KPNA1: variants seen among roughly 807,000 people sequenced by gnomAD.
KPNA1 encodes karyopherin subunit alpha 1, also known as importin subunit alpha-5.
A neutral mutation model predicts 70.5 loss-of-function variants in KPNA1; 10 were observed. The ratio of observed to expected loss-of-function variants is 0.14; its 90% CI spans 0.09 to 0.24. The LOEUF is 0.24. Among genes scored for constraint, KPNA1 ranks in the 10% least tolerant of loss-of-function variants. KPNA1 has a pLI of 1.00. For missense variants in KPNA1, 397 were observed against 637.9 expected, an observed-to-expected ratio of 0.62 and a Z score of 4.07; for synonymous variants, 192 against 221.9, an observed-to-expected ratio of 0.87 and a Z score of 1.20.
At position 122,423,486 on chromosome 3, in the gene KPNA1, A is replaced by G. The variant is rs2075782757; in HGVS notation, c.*3499T>C. On this transcript the variant is annotated 3_prime_UTR_variant, in exon 14 of 14. Transcript: ENST00000344337. ...CCTTAGACACCACAATTTCCAATAT[A>G]CTTAAAAACCATCAACCCCTAAAAA... 1 of 152,428 alleles carries G rather than the reference A, an allele frequency of 6.6e-6. No individual in the cohort carries two copies. Among genetic ancestry groups the G allele is most frequent in the South Asian group, 2.1e-4 (1 of 4,830 alleles). The allele number at this position is 152,428 out of a possible 1,614,324, so 9.4% of individuals were successfully genotyped here.
intron 2 of KPNA1, among the ~76,000 whole-genome samples, chr3:122,489,906 C>T (rs1399526622): frequency 6.6e-6 from 1 of 152,172 alleles, no homozygotes; most frequent in East Asian, 1.9e-4. Flanking sequence ...AAGTATGGAG[C>T]AGTACTAAGT....
chr3:122,428,711 G>A (rs1340325460), intron 12 of KPNA1, among the ~76,000 whole-genome samples: 2 of 152,192 alleles, frequency 1.3e-5, no homozygotes, highest in Non-Finnish European at 2.9e-5. Context: ...AGGCTTACAT[G>A]TATTAAATAA....
At chr3:122,450,044 T>C (rs2076181955) in intron 8 of KPNA1, among the ~76,000 whole-genome samples, 1 of 152,238 alleles carries the variant, frequency 6.6e-6, no homozygotes, top group Non-Finnish European at 1.5e-5. Context: ...AAAGGAACTT[T>C]CACAAATGTG....
At chr3:122,440,621 C>T (rs1450551962) in intron 10 of KPNA1, among the ~76,000 whole-genome samples, 1 of 152,208 alleles carries the variant, frequency 6.6e-6, no homozygotes, top group East Asian at 1.9e-4. Flanking sequence ...TCAAAGACAA[C>T]CAACATTTTC....
In KPNA1 at chr3:122,427,087, C is replaced by A. The variant is rs773781619; in HGVS notation, c.1515G>T (p.Gly505=). 1.2e-6 allele frequency: 2 copies of A among 1,614,040 alleles called. No homozygotes were observed. Among genetic ancestry groups the A allele is most frequent in the Admixed American group, 1.7e-5 (1 of 60,030 alleles). The change falls in exon 14 of 14, where the codon GGG becomes GGT. Residue 505 remains glycine, a synonymous_variant. Coordinates refer to ENST00000344337, the MANE Select transcript of KPNA1 (RefSeq NM_002264.4). ...CAATGCTGCTGTCTTCATCTTCGGTCCCGAAGTAATGCTCAATAAGATCAA... is the reference window on the plus strand; with the variant it reads ...CAATGCTGCTGTCTTCATCTTCGGTACCGAAGTAATGCTCAATAAGATCAA... ...KAFDLIEHYF[G]TEDEDSSIAP...
rs2076001693 is a variant in KPNA1, at chr3:122,437,278, T to A, written c.1014A>T (p.Ser338=). ...GCAAATGCAATAAACTCTGCAGAGCTGAGCAATTCAGAATTACCTAAAAGA... is the reference window on the plus strand; with the variant it reads ...GCAAATGCAATAAACTCTGCAGAGCAGAGCAATTCAGAATTACCTAAAAGA... The part of the protein sequence containing the change: ...DIQTQVILNC[S]ALQSLLHLLS... Residue 338 remains serine (S), a synonymous_variant, in exon 11 of 14, where the codon TCA becomes TCT. Transcript: ENST00000344337. 1 of 1,604,350 alleles carries A rather than the reference T, an allele frequency of 6.2e-7. No individual in the cohort carries two copies. Among genetic ancestry groups the A allele is most frequent in the Non-Finnish European group, 8.5e-7 (1 of 1,176,442 alleles).
intron 2 of KPNA1, among the ~76,000 whole-genome samples, chr3:122,489,044 G>GT (rs1560049972): frequency 9.2e-6 from 1 of 108,138 alleles, no homozygotes; most frequent in East Asian, 3.7e-4. Flanking sequence ...TCGCTTGTGG[G>GT]TTTTTTTGCG....
rs758586479 is a variant in KPNA1, at chr3:122,437,244, G to T, written c.1048C>A (p.Pro350Thr). 3.2e-5 allele frequency: 51 copies of T among 1,613,348 alleles called. No individual in the cohort carries two copies. The highest frequency in any genetic ancestry group is 4.3e-5 in the Non-Finnish European group (51 of 1,179,638). The change falls in exon 11 of 14, where the codon CCA becomes ACA. Residue 350 changes from proline (P) to threonine (T), a missense_variant. Pro to Thr is a conservative substitution (Grantham distance 38). Transcript: ENST00000344337. Reference protein sequence around the residue: ...LQSLLHLLSSPKESIKKEACW... With the variant: ...LQSLLHLLSSTKESIKKEACW... ...GCTTCCTTTTTGATAGATTCCTTTG[G>T]GCTACTCAGCAAATGCAATAAACTC...
At chr3:122,477,967 T>A in intron 2 of KPNA1, among the ~76,000 whole-genome samples, 1 of 150,630 alleles carries the variant, frequency 6.6e-6, no homozygotes. Context: ...ATTGAGACCA[T>A]CCTGGCCAAC....
chr3:122,465,067 T>G (rs2076365219), intron 3 of KPNA1, among the ~76,000 whole-genome samples: 1 of 152,246 alleles, frequency 6.6e-6, no homozygotes, highest in Non-Finnish European at 1.5e-5. Flanking sequence ...CTTCCCTCTC[T>G]CATCCTCTTA....
At chr3:122,466,110 T>C (rs1423603564) in intron 3 of KPNA1, among the ~76,000 whole-genome samples, 1 of 152,196 alleles carries the variant, frequency 6.6e-6, no homozygotes, top group Non-Finnish European at 1.5e-5. Flanking sequence ...GCATTGGCTA[T>C]GTCTGTATGA....
chr3:122,427,579 G>A lies in KPNA1; in HGVS notation c.1388C>T (p.Thr463Ile). The A allele has an allele frequency of 6.2e-7, 1 of 1,614,044 alleles. No individual in the cohort carries two copies. The highest frequency in any genetic ancestry group is 8.5e-7 in the Non-Finnish European group (1 of 1,179,986). ...CAAAGCACAGTAAGGGTTAATGCCA[G>A]TGCCATTCCTTTTGGCTTCCTGTTC... ...LGEQEAKRNGTGINPYCALIE... is the reference protein window; with the variant it reads ...LGEQEAKRNGIGINPYCALIE... The change falls in exon 13 of 14, where the codon ACT (threonine) becomes ATT (isoleucine). Residue 463 changes from threonine (T) to isoleucine (I), a missense_variant. Coordinates refer to ENST00000344337, the MANE Select transcript of KPNA1 (RefSeq NM_002264.4).
intron 1 of KPNA1, among the ~76,000 whole-genome samples, chr3:122,499,566 AACATGGTGAG>A (rs1462347422): frequency 6.6e-6 from 1 of 152,090 alleles, no homozygotes; most frequent in African/African-American, 2.4e-5. Flanking sequence ...CAGACTGGGC[AACATGGTGAG>A]ACTCCATCTC....
At chr3:122,434,464 T>C (rs2075958089) in intron 11 of KPNA1, among the ~76,000 whole-genome samples, 2 of 152,208 alleles carry the variant, frequency 1.3e-5, no homozygotes. Flanking sequence ...CACTTCTCAC[T>C]GGAGCATCAG....
At position 122,491,925 on chromosome 3, in the gene KPNA1, G is replaced by A. The variant is rs558982314; in HGVS notation, c.129+4512C>T. ...CGCCCAGGCTGGAGTGCAGTGGCGC[G>A]ATCTCGACTCACTGCAAGCTCCGCC... On this transcript the variant is annotated intron_variant, in intron 2 of 13. Coordinates refer to ENST00000344337, the MANE Select transcript of KPNA1 (RefSeq NM_002264.4). 3.4e-3 allele frequency among the ~76,000 whole-genome samples: 439 copies of A among 130,814 alleles called. 1 individual carries two copies. The highest frequency in any genetic ancestry group is 5.3e-3 in the Non-Finnish European group (339 of 64,214). The allele number at this position is 130,814 out of a possible 152,430, so 85.8% of individuals were successfully genotyped here. A position where few individuals can be genotyped will look rare whatever the true frequency, so the allele number is the denominator to read the frequency against.
chr3:122,460,290 T>C, intron 5 of KPNA1: 1 of 985,002 alleles, frequency 1.0e-6, no homozygotes, highest in Non-Finnish European at 1.2e-6. Flanking sequence ...AATAGTAGTT[T>C]AGAATTTCTA....
intron 9 of KPNA1, chr3:122,443,010 C>G (rs2076085484): frequency 1.3e-5 from 2 of 152,320 alleles, no homozygotes; most frequent in African/African-American, 4.8e-5. Context: ...GTCGCCTCAC[C>G]CAGGAAGCAC....
chr3:122,422,063 C>T lies in KPNA1; in HGVS notation c.*4922G>A, dbSNP rs1424984976. 6.6e-6 allele frequency: 1 copy of T among 152,190 alleles called. No individual in the cohort carries two copies. The highest frequency in any genetic ancestry group is 1.5e-5 in the Non-Finnish European group (1 of 68,042). 9.4% of individuals were successfully genotyped at this position (152,190 alleles called of 1,614,324 possible). Reference sequence around the variant, plus strand: ...TTAGAGCCATTCCAAATCTAAGTGTCAGAACACTTTGAAGCAGGATGTAGA... The same window carrying T: ...TTAGAGCCATTCCAAATCTAAGTGTTAGAACACTTTGAAGCAGGATGTAGA... On this transcript the variant is annotated 3_prime_UTR_variant, in exon 14 of 14. Transcript: ENST00000344337.
intron 12 of KPNA1, among the ~76,000 whole-genome samples, chr3:122,429,426 G>C (rs569528614): frequency 9.8e-6 from 1 of 101,942 alleles, no homozygotes; most frequent in Non-Finnish European, 1.8e-5. Context: ...CAGCCTGGGC[G>C]AAAGAGCGAA....
Sources: gnomAD v4.1 joint callset for allele counts (sites outside exome capture counted in the v4.1 genomes callset) on GRCh38, gnomAD v4.1.1 for gene constraint, MANE v1.5 for transcripts, NCBI Gene and HGNC (gene_info 2026-07-23, HGNC 2026-07-21) for gene names.